The following CLIP2 variants were observed in gnomAD, a reference collection of about 807,000 sequenced individuals.
CLIP2 encodes the protein CAP-Gly domain-containing linker protein 2.
A neutral mutation model predicts 111.7 loss-of-function variants in CLIP2; 41 were observed. The ratio of observed to expected loss-of-function variants is 0.37; its 90% CI spans 0.29 to 0.48. The LOEUF is 0.48. Among genes scored for constraint, CLIP2 ranks in the 20% least tolerant of loss-of-function variants. CLIP2 has a pLI of 0.99. For missense variants in CLIP2, 1,160 were observed against 1,422.1 expected (o/e 0.82, Z 2.96); for synonymous variants, 660 against 644.2 (o/e 1.02, Z -0.37).
chr7:74,319,594 G>A (rs1377416986), intron 2 of CLIP2, among the ~76,000 whole-genome samples: 4 of 152,094 alleles, frequency 2.6e-5, no homozygotes, highest in African/African-American at 9.7e-5. Context: ...GAGGCCAGAG[G>A]ATCACTTGAG....
chr7:74,331,101 G>A (rs1789263504), intron 2 of CLIP2, among the ~76,000 whole-genome samples: 1 of 150,204 alleles, frequency 6.7e-6, no homozygotes, highest in Non-Finnish European at 1.5e-5. Flanking sequence ...AGCTACTCGG[G>A]AGGCTGAGGC....
chr7:74,401,476 T>C (rs782552417), intron 15 of CLIP2, 29 bp from the exon 16 acceptor site: 17 of 1,611,134 alleles, frequency 1.1e-5, no homozygotes, highest in Non-Finnish European at 1.4e-5. Flanking sequence ...CTGGTGCACC[T>C]GGCTCAGTGT....
intron 11 of CLIP2, among the ~76,000 whole-genome samples, chr7:74,382,133 G>A (rs1482672811): frequency 6.6e-6 from 1 of 152,016 alleles, no homozygotes; most frequent in Non-Finnish European, 1.5e-5. Context: ...GCCCAGGCTG[G>A]AGTGCAATGA....
chr7:74,374,214 G>A (rs1022923207), intron 9 of CLIP2, among the ~76,000 whole-genome samples: 4 of 152,212 alleles, frequency 2.6e-5, no homozygotes, highest in Non-Finnish European at 4.4e-5. Flanking sequence ...GTTGGTCTCC[G>A]TGCACAAGTG....
Position 74,356,837 on chromosome 7 carries a change from C to T in CLIP2, c.1017+214C>T, listed in dbSNP as rs542246697. Reference sequence around the variant, plus strand: ...TAACTGATTTATTGGAACCCTAAGCCTTTCTCTGGAAGTTAAGGAGGGTTA... The same window carrying T: ...TAACTGATTTATTGGAACCCTAAGCTTTTCTCTGGAAGTTAAGGAGGGTTA... On this transcript the variant is annotated intron_variant, in intron 5 of 16. Transcript: ENST00000223398. Among the ~76,000 whole-genome samples, 5 of 152,284 alleles carry T rather than the reference C, an allele frequency of 3.3e-5. No homozygotes were observed. The East Asian group carries it at 9.6e-4, about 29-fold the overall frequency.
intron 4 of CLIP2, among the ~76,000 whole-genome samples, chr7:74,355,584 T>C (rs542060651): frequency 4.4e-4 from 67 of 152,022 alleles, no homozygotes; most frequent in Non-Finnish European, 9.0e-4. Context: ...CACTCCAGCC[T>C]GGGTAACAGA....
At chr7:74,324,202 G>A (rs1448969080) in intron 2 of CLIP2, among the ~76,000 whole-genome samples, 2 of 152,076 alleles carry the variant, frequency 1.3e-5, no homozygotes, top group African/African-American at 2.4e-5. Flanking sequence ...ATGTTGGTCA[G>A]GCTGGTCTCA....
At position 74,353,969 on chromosome 7, in the gene CLIP2, C is replaced by T; in HGVS notation, c.768C>T (p.Pro256=). Residue 256 remains proline, a synonymous_variant, in exon 4 of 17, where the codon CCC becomes CCT. Coordinates refer to ENST00000223398, the MANE Select transcript of CLIP2 (RefSeq NM_003388.5). ...GGTGTGGCGTGGAGCTGGACGAGCCCCTTGGGAAGAATGATGGGGCGGTGG... is the reference window on the plus strand; with the variant it reads ...GGTGTGGCGTGGAGCTGGACGAGCCTCTTGGGAAGAATGATGGGGCGGTGG... ...GEWCGVELDE[P]LGKNDGAVAG... 1 of 1,613,850 alleles carries T rather than the reference C, an allele frequency of 6.2e-7. No individual in the cohort carries two copies. Among genetic ancestry groups the T allele is most frequent in the Non-Finnish European group, 8.5e-7 (1 of 1,179,802 alleles).
chr7:74,359,437 T>C (rs1161004503), intron 6 of CLIP2, among the ~76,000 whole-genome samples: 3 of 147,816 alleles, frequency 2.0e-5, no homozygotes, highest in African/African-American at 7.5e-5. Flanking sequence ...CACTGCAAGC[T>C]CCGCCCCCCA....
At chr7:74,300,829 C>G in intron 1 of CLIP2, among the ~76,000 whole-genome samples, 1 of 152,146 alleles carries the variant, frequency 6.6e-6, no homozygotes, top group East Asian at 1.9e-4. Flanking sequence ...TCCAGTCCTC[C>G]CTTGACGGAC....
At chr7:74,386,929 A>G (rs1417200388) in intron 12 of CLIP2, among the ~76,000 whole-genome samples, 3 of 150,624 alleles carry the variant, frequency 2.0e-5, no homozygotes, top group Middle Eastern at 3.4e-3. Flanking sequence ...AGGCTGAGGC[A>G]GGAGAATCGC....
intron 1 of CLIP2, among the ~76,000 whole-genome samples, chr7:74,291,143 C>T (rs1282857108): frequency 6.6e-6 from 1 of 152,118 alleles, no homozygotes; most frequent in Non-Finnish European, 1.5e-5. Flanking sequence ...GTCTGCAGTG[C>T]CTTGCGGGGG....
rs559130789 is a variant in CLIP2 at position 74,304,813 on chromosome 7, C to G, written c.-67-12667C>G. ...TACATAAATTAGCCGGATATGGTGG[C>G]ATACACCTGTGGTCCCAACTACTCG... is the stretch of plus-strand genomic sequence containing the variant. On this transcript the variant is annotated intron_variant, in intron 1 of 16. Transcript: ENST00000223398. Among the ~76,000 whole-genome samples, 205 of 152,138 alleles carry G rather than the reference C, an allele frequency of 1.3e-3. 1 individual carries two copies. Among genetic ancestry groups the G allele is most frequent in the Middle Eastern group, 3.4e-3 (1 of 294 alleles).
chr7:74,338,237 C>CA lies in CLIP2; in HGVS notation c.122-210dup, dbSNP rs1267114276. Reference sequence around the variant, plus strand: ...TAAACAGGGGTTGGGTGTGGTGCCTCACGCCTGTAATCCCAGCAATTTGGG... The same window carrying CA: ...TAAACAGGGGTTGGGTGTGGTGCCTCAACGCCTGTAATCCCAGCAATTTGGG... On this transcript the variant is annotated intron_variant, in intron 2 of 16. Coordinates refer to ENST00000223398, the MANE Select transcript of CLIP2 (RefSeq NM_003388.5). This position sits in a 1 kb window ranked among gnomAD's most constrained non-coding sequence, Gnocchi z 4.3. 6.6e-6 allele frequency among the ~76,000 whole-genome samples: 1 copy of CA among 152,086 alleles called. No individual in the cohort carries two copies. Among genetic ancestry groups the CA allele is most frequent in the African/African-American group, 2.4e-5 (1 of 41,412 alleles).
In CLIP2 at chr7:74,405,869, C is replaced by T. The variant is rs1791763414; in HGVS notation, c.*2021C>T. ...GTCCTTCATTCACCCCTCCCCTCCC[C>T]ACAGTGGAATTGTTGAAGTGTGGCG... On this transcript the variant is annotated 3_prime_UTR_variant, in exon 17 of 17. Transcript: ENST00000223398. 6.6e-6 allele frequency: 1 copy of T among 152,544 alleles called. No individual in the cohort carries two copies. The highest frequency in any genetic ancestry group is 6.5e-5 in the Admixed American group (1 of 15,278). 9.4% of individuals were successfully genotyped at this position (152,544 alleles called of 1,614,324 possible). A position where few individuals can be genotyped will look rare whatever the true frequency, so the allele number is the denominator to read the frequency against.
At chr7:74,311,260 T>C (rs1417794175) in intron 1 of CLIP2, among the ~76,000 whole-genome samples, 4 of 152,214 alleles carry the variant, frequency 2.6e-5, no homozygotes, top group Non-Finnish European at 5.9e-5. Flanking sequence ...ATTACAGGCA[T>C]GAGCCACTGC....
intron 1 of CLIP2, among the ~76,000 whole-genome samples, chr7:74,294,443 G>C (rs1788115142): frequency 6.6e-6 from 1 of 152,204 alleles, no homozygotes; most frequent in South Asian, 2.1e-4. Flanking sequence ...TGTCTTGATG[G>C]AGCGTTTCTT....
chr7:74,361,740 C>T (rs1459257126), intron 7 of CLIP2, among the ~76,000 whole-genome samples: 1 of 152,172 alleles, frequency 6.6e-6, no homozygotes, highest in African/African-American at 2.4e-5. Flanking sequence ...AGAGAAACAG[C>T]AGCCAAGGGA....
intron 10 of CLIP2, among the ~76,000 whole-genome samples, chr7:74,379,190 G>A (rs1342789101): frequency 2.6e-5 from 4 of 152,066 alleles, no homozygotes; most frequent in Non-Finnish European, 4.4e-5. Context: ...CTGGCCGGGC[G>A]CGGTGGCTCA....
Sources: allele counts gnomAD v4.1 joint callset (sites outside exome capture counted in the v4.1 genomes callset), GRCh38; gene constraint gnomAD v4.1.1; non-coding constraint Gnocchi (gnomAD v3.1); transcripts MANE v1.5; gene names NCBI Gene and HGNC (gene_info 2026-07-23, HGNC 2026-07-21).